Variants in CNTNAP2 observed in about 807,000 individuals in gnomAD.
CNTNAP2 encodes contactin associated protein 2, also known as contactin-associated protein-like 2.
CNTNAP2 carries 98 observed loss-of-function variants against 155.2 expected under a neutral mutation model. The observed-to-expected ratio is 0.63, with a 90% CI of 0.54 to 0.75. CNTNAP2 has a LOEUF of 0.75. Among genes scored for constraint, CNTNAP2 ranks in the 30% least tolerant of loss-of-function variants. The pLI, the probability that CNTNAP2 is intolerant of heterozygous loss-of-function variation, is 0.00. For missense variants in CNTNAP2, 1,727 were observed against 1,688.1 expected (o/e 1.02, Z -0.40); for synonymous variants, 651 against 631.2 (o/e 1.03, Z -0.47).
chr7:146,367,751 ATCT>A (rs1795176000), intron 1 of CNTNAP2, among the ~76,000 whole-genome samples: 2 of 152,146 alleles, frequency 1.3e-5, no homozygotes, highest in Admixed American at 6.6e-5. Context: ...TTTTAATTAC[ATCT>A]TCTTCCTTAG....
intron 4 of CNTNAP2, among the ~76,000 whole-genome samples, chr7:147,100,093 G>A (rs930559478): frequency 6.6e-6 from 1 of 152,012 alleles, no homozygotes; most frequent in Non-Finnish European, 1.5e-5. Flanking sequence ...GGATGAGAGC[G>A]AGGACAGAAT....
intron 21 of CNTNAP2, among the ~76,000 whole-genome samples, chr7:148,353,626 A>G (rs1732460541): frequency 6.7e-6 from 1 of 149,088 alleles, no homozygotes; most frequent in African/African-American, 2.5e-5. Flanking sequence ...GTTTCTTTTA[A>G]GTATTTTCAT....
chr7:146,510,904 T>C (rs1022371497), intron 1 of CNTNAP2, among the ~76,000 whole-genome samples: 7 of 152,086 alleles, frequency 4.6e-5, no homozygotes, highest in African/African-American at 1.2e-4. Flanking sequence ...TTTTCTTTTT[T>C]CTTTGTTTTT....
At chr7:147,235,545 A>G (rs2116626219) in intron 8 of CNTNAP2, among the ~76,000 whole-genome samples, 1 of 152,260 alleles carries the variant, frequency 6.6e-6, no homozygotes, top group East Asian at 1.9e-4. Context: ...CCTTCTCCTA[A>G]TCAGATCTCA....
chr7:148,027,641 A>G (rs1802397972), intron 15 of CNTNAP2, among the ~76,000 whole-genome samples: 1 of 152,224 alleles, frequency 6.6e-6, no homozygotes, highest in South Asian at 2.1e-4. Flanking sequence ...AACAGACACA[A>G]GAGAATCTGT....
chr7:148,288,247 C>A lies in CNTNAP2; in HGVS notation c.3475+21121C>A, dbSNP rs373841666. 9.2e-5 allele frequency among the ~76,000 whole-genome samples: 14 copies of A among 151,784 alleles called. No individual in the cohort carries two copies. In the South Asian group the frequency reaches 1.0e-3, roughly 11 times the overall value. ...CCCAAGTAGCTGGGATTACAGGCGC[C>A]CACCACCATGCCCAGCTACTTTTTT... On this transcript the variant is annotated intron_variant, in intron 21 of 23. Transcript: ENST00000361727.
chr7:146,421,388 C>T (rs1267347662), intron 1 of CNTNAP2, among the ~76,000 whole-genome samples: 2 of 151,866 alleles, frequency 1.3e-5, no homozygotes, highest in Non-Finnish European at 2.9e-5. Flanking sequence ...TAACTAACTT[C>T]TAATCTATTA....
At chr7:146,995,836 C>T (rs1404510808) in intron 3 of CNTNAP2, among the ~76,000 whole-genome samples, 2 of 151,988 alleles carry the variant, frequency 1.3e-5, no homozygotes, top group African/African-American at 4.8e-5. Context: ...TTTCTTCTGT[C>T]GATTTTCTCC....
chr7:148,270,409 T>C (rs1796752938), intron 21 of CNTNAP2, among the ~76,000 whole-genome samples: 1 of 152,116 alleles, frequency 6.6e-6, no homozygotes, highest in Non-Finnish European at 1.5e-5. Flanking sequence ...AAGATGGAAA[T>C]GGTGTTATGC....
chr7:146,566,567 G>A (rs1161172884), intron 1 of CNTNAP2, among the ~76,000 whole-genome samples: 1 of 151,968 alleles, frequency 6.6e-6, no homozygotes, highest in Non-Finnish European at 1.5e-5. Flanking sequence ...CGTGGTGGCA[G>A]GCGCCTGTAG....
intron 1 of CNTNAP2, among the ~76,000 whole-genome samples, chr7:146,587,439 A>G (rs1219317820): frequency 3.9e-5 from 6 of 152,124 alleles, no homozygotes; most frequent in African/African-American, 1.4e-4. Context: ...ATTTTTAAAG[A>G]CTAGGTGTAG....
intron 15 of CNTNAP2, among the ~76,000 whole-genome samples, chr7:147,997,774 G>A (rs893968667): frequency 2.0e-5 from 3 of 152,138 alleles, no homozygotes; most frequent in Non-Finnish European, 4.4e-5. Context: ...TATTCCTAAG[G>A]AGGTGAAAAG....
In CNTNAP2 at chr7:148,331,120, A is replaced by G. The variant is rs1358798419; in HGVS notation, c.3476-52529A>G. On this transcript the variant is annotated intron_variant, in intron 21 of 23. Coordinates refer to ENST00000361727, the MANE Select transcript of CNTNAP2 (RefSeq NM_014141.6). ...TGGAATGGACAGATGGAGTCAATGG[A>G]TGGGATGGGTGGATGGATGGATGGA... 4.2e-4 allele frequency among the ~76,000 whole-genome samples: 60 copies of G among 143,378 alleles called. 1 individual carries two copies. The highest frequency in any genetic ancestry group is 4.1e-3 in the Admixed American group (59 of 14,496). 94.1% of individuals were successfully genotyped at this position (143,378 alleles called of 152,430 possible). A position where few individuals can be genotyped will look rare whatever the true frequency, so the allele number is the denominator to read the frequency against.
intron 11 of CNTNAP2, among the ~76,000 whole-genome samples, chr7:147,530,737 T>A (rs1196551915): frequency 3.3e-5 from 5 of 152,104 alleles, no homozygotes; most frequent in Non-Finnish European, 5.9e-5. Context: ...CCTCCAAATC[T>A]CATGTCCTCA....
intron 13 of CNTNAP2, among the ~76,000 whole-genome samples, chr7:147,872,502 G>T (rs1211170417): frequency 6.6e-6 from 1 of 152,158 alleles, no homozygotes; most frequent in Non-Finnish European, 1.5e-5. Context: ...TCTGAGGGTG[G>T]CAGCAAGATG....
intron 23 of CNTNAP2, among the ~76,000 whole-genome samples, chr7:148,413,961 A>G (rs10262959): frequency 0.56 from 85,573 of 151,948 alleles, 24,606 homozygotes; most frequent in South Asian, 0.64. Flanking sequence ...GATATCATAT[A>G]GTAGGCATCT....
intron 11 of CNTNAP2, among the ~76,000 whole-genome samples, chr7:147,531,476 C>T (rs1799429797): frequency 6.6e-6 from 1 of 152,252 alleles, no homozygotes; most frequent in African/African-American, 2.4e-5. Flanking sequence ...CTCAACACCA[C>T]ATGGAATCTA....
At position 146,947,134 on chromosome 7, in the gene CNTNAP2, T is replaced by C. The variant is rs1797194241; in HGVS notation, c.403-96773T>C. Among the ~76,000 whole-genome samples, 3 of 151,738 alleles carry C rather than the reference T, an allele frequency of 2.0e-5. No homozygotes were observed. The South Asian group carries it at 6.2e-4, about 32-fold the overall frequency. On this transcript the variant is annotated intron_variant, in intron 3 of 23. Transcript: ENST00000361727. ...GTAACTTCTGCCTCCCATGTACGAGTAGTTCTCTTGCCTCAGCCTCCTGAG... is the reference window on the plus strand; with the variant it reads ...GTAACTTCTGCCTCCCATGTACGAGCAGTTCTCTTGCCTCAGCCTCCTGAG...
At chr7:146,407,818 T>C (rs1455036862) in intron 1 of CNTNAP2, among the ~76,000 whole-genome samples, 1 of 152,096 alleles carries the variant, frequency 6.6e-6, no homozygotes, top group Non-Finnish European at 1.5e-5. Flanking sequence ...GCCCTCCTCT[T>C]TCCACTCCTG....
Sources: allele counts gnomAD v4.1 joint callset (sites outside exome capture counted in the v4.1 genomes callset), GRCh38; gene constraint gnomAD v4.1.1; transcripts MANE v1.5; gene names NCBI Gene and HGNC (gene_info 2026-07-23, HGNC 2026-07-21).